The following MAN2B2 variants were observed in gnomAD, a reference collection of about 807,000 sequenced individuals.
MAN2B2 encodes the protein epididymis-specific alpha-mannosidase.
MAN2B2 carries 106 observed loss-of-function variants against 117.1 expected under a neutral mutation model. The observed-to-expected ratio is 0.90, with a 90% CI of 0.77 to 1.06. The LOEUF (loss-of-function observed/expected upper bound fraction) is 1.06, where lower values mean the gene tolerates loss of function less well. Among genes scored for constraint, MAN2B2 ranks in the 50% least tolerant of loss-of-function variants. The pLI, the probability that MAN2B2 is intolerant of heterozygous loss-of-function variation, is 0.00. For missense variants in MAN2B2, 1,326 were observed against 1,381.4 expected, an observed-to-expected ratio of 0.96 and a Z score of 0.64; for synonymous variants, 544 against 595.1, an observed-to-expected ratio of 0.91 and a Z score of 1.25.
At chr4:6,596,884 TGCCCAAG>T (rs1727112194) in intron 7 of MAN2B2, among the ~76,000 whole-genome samples, 1 of 152,136 alleles carries the variant, frequency 6.6e-6, no homozygotes, top group Non-Finnish European at 1.5e-5. Context: ...TCTCCCACCC[TGCCCAAG>T]GCCCATCCAG....
In MAN2B2 at chr4:6,600,606, C is replaced by G; in HGVS notation, c.1406-17C>G. Reference sequence around the variant, plus strand: ...GTGAGTCACATGGCACAAGCAAAGCCTCTTCTCTGTGTGCAGATGCAGGAC... The same window carrying G: ...GTGAGTCACATGGCACAAGCAAAGCGTCTTCTCTGTGTGCAGATGCAGGAC... On this transcript the variant is annotated splice_polypyrimidine_tract_variant and intron_variant, in intron 9 of 18. Transcript: ENST00000285599. 1 of 1,613,216 alleles carries G rather than the reference C, an allele frequency of 6.2e-7. No individual in the cohort carries two copies.
chr4:6,609,315 G>T lies in MAN2B2; in HGVS notation c.2006+17G>T. On this transcript the variant is annotated intron_variant, in intron 12 of 18. Coordinates refer to ENST00000285599, the MANE Select transcript of MAN2B2 (RefSeq NM_015274.3). ...CTTCTACAGGTGCTTCCCCTGGGGT[G>T]ACCCCCACAGCCCGGCACACAGTCA... is the stretch of plus-strand genomic sequence containing the variant. 8 of 1,609,746 alleles carry T rather than the reference G, an allele frequency of 5.0e-6. No homozygotes were observed. The highest frequency in any genetic ancestry group is 6.8e-6 in the Non-Finnish European group (8 of 1,177,428).
intron 5 of MAN2B2, among the ~76,000 whole-genome samples, chr4:6,591,169 G>A (rs1440708067): frequency 6.6e-6 from 1 of 152,078 alleles, no homozygotes; most frequent in Non-Finnish European, 1.5e-5. Context: ...AAGAAGGCTG[G>A]AGGAGTGGGA....
intron 3 of MAN2B2, among the ~76,000 whole-genome samples, chr4:6,586,320 C>G (rs1050457044): frequency 6.6e-6 from 1 of 152,180 alleles, no homozygotes; most frequent in African/African-American, 2.4e-5. Flanking sequence ...CTCAGCCTCC[C>G]AAAGTGCCAG....
intron 16 of MAN2B2, among the ~76,000 whole-genome samples, chr4:6,616,182 G>C (rs928903370): frequency 6.6e-6 from 1 of 152,104 alleles, no homozygotes; most frequent in African/African-American, 2.4e-5. Flanking sequence ...CATAGCTGCA[G>C]AGCTGAGGTT....
chr4:6,600,765 A>G lies in MAN2B2; in HGVS notation c.1539+9A>G. On this transcript the variant is annotated intron_variant, in intron 10 of 18. Transcript: ENST00000285599. ...ACCCAGTGCCCTCGCAGGTATGGAC[A>G]CAAAATCCTGCTGGAGGGGCCTTAG... 3 of 1,612,996 alleles carry G rather than the reference A, an allele frequency of 1.9e-6. No homozygotes were observed. The highest frequency in any genetic ancestry group is 2.5e-6 in the Non-Finnish European group (3 of 1,179,952).
intron 3 of MAN2B2, among the ~76,000 whole-genome samples, chr4:6,579,268 CCAT>C (rs1560634873): frequency 5.3e-5 from 6 of 112,366 alleles, no homozygotes; most frequent in African/African-American, 9.5e-5. Flanking sequence ...ACCACCACCA[CCAT>C]CACCACCACC....
intron 18 of MAN2B2, 114 bp from the exon 19 acceptor site, chr4:6,621,074 G>C: frequency 1.4e-6 from 1 of 719,074 alleles, no homozygotes; most frequent in Admixed American, 2.2e-5. Flanking sequence ...AGGTGCAGGA[G>C]GGTGAGAGGG....
chr4:6,603,834 G>A (rs931321196), intron 10 of MAN2B2, among the ~76,000 whole-genome samples: 7 of 152,148 alleles, frequency 4.6e-5, no homozygotes, highest in African/African-American at 1.7e-4. Context: ...GCATCAATGT[G>A]GGATCAGGCA....
At chr4:6,594,354 C>T (rs1577281430) in intron 6 of MAN2B2, among the ~76,000 whole-genome samples, 180 bp from the exon 7 acceptor site, 2 of 152,266 alleles carry the variant, frequency 1.3e-5, no homozygotes, top group African/African-American at 4.8e-5. Flanking sequence ...ATCACTTGAA[C>T]CCGGGAGGCG....
chr4:6,610,740 G>A (rs1255885290), intron 13 of MAN2B2, 140 bp from the exon 14 acceptor site: 1 of 701,144 alleles, frequency 1.4e-6, no homozygotes, highest in Non-Finnish European at 2.6e-6. Flanking sequence ...ACCCCAGTCT[G>A]TTGGTCTCCA....
intron 9 of MAN2B2, among the ~76,000 whole-genome samples, chr4:6,599,300 C>T (rs898703566): frequency 2.0e-5 from 3 of 151,964 alleles, no homozygotes; most frequent in African/African-American, 7.3e-5. Flanking sequence ...GAGACAGGGT[C>T]TCACCATGTT....
At chr4:6,587,286 T>C in intron 4 of MAN2B2, 118 bp downstream of exon 4, 1 of 1,274,846 alleles carries the variant, frequency 7.8e-7, no homozygotes, top group Non-Finnish European at 1.1e-6. Flanking sequence ...TCTTGGCAGC[T>C]GCATAGACCG....
chr4:6,575,358 G>A lies in MAN2B2; in HGVS notation c.138+10G>A. 6.6e-7 allele frequency: 1 copy of A among 1,519,426 alleles called. No individual in the cohort carries two copies. The highest frequency in any genetic ancestry group is 8.8e-7 in the Non-Finnish European group (1 of 1,132,304). 94.1% of individuals were successfully genotyped at this position (1,519,426 alleles called of 1,614,324 possible). ...GGTCTACACTGTGCAGGTAGGTGCC[G>A]ACCACGCCCCGCGCGCCCCTGAGGC... On this transcript the variant is annotated intron_variant, in intron 1 of 18. Coordinates refer to ENST00000285599, the MANE Select transcript of MAN2B2 (RefSeq NM_015274.3).
chr4:6,607,264 C>T (rs182867151), intron 11 of MAN2B2, among the ~76,000 whole-genome samples: 2 of 152,218 alleles, frequency 1.3e-5, no homozygotes, highest in Admixed American at 1.3e-4. Flanking sequence ...AGTGCAGTGG[C>T]ACAATCATGG....
chr4:6,609,283 G>A lies in MAN2B2; in HGVS notation c.1991G>A (p.Arg664Gln), dbSNP rs569059179. ...GCGGGACAGCTTGTGACTGAGATCC[G>A]GCAGTACTTCTACAGGTGCTTCCCC... ...IVAGQLVTEI[R>Q]QYFYRNMTAQ... Residue 664 changes from arginine (R) to glutamine (Q), a missense_variant, in exon 12 of 19, where the codon CGG (arginine) becomes CAG (glutamine). Arg to Gln is a conservative substitution (Grantham distance 43, BLOSUM62 1). Transcript: ENST00000285599. 38 of 1,613,836 alleles carry A rather than the reference G, an allele frequency of 2.4e-5. No individual in the cohort carries two copies. Among genetic ancestry groups the A allele is most frequent in the African/African-American group, 1.5e-4 (11 of 75,050 alleles).
At chr4:6,601,574 G>A (rs1162053086) in intron 10 of MAN2B2, among the ~76,000 whole-genome samples, 1 of 137,594 alleles carries the variant, frequency 7.3e-6, no homozygotes, top group Admixed American at 7.5e-5. Flanking sequence ...AAGCAGGGAG[G>A]GCCTAGCATC....
chr4:6,600,546 C>G (rs923070488), intron 9 of MAN2B2, 77 bp from the exon 10 acceptor site: 4 of 1,540,326 alleles, frequency 2.6e-6, no homozygotes, highest in Middle Eastern at 3.5e-4. Flanking sequence ...TTCCCTCATA[C>G]TGAGGTGCAG....
Position 6,587,005 on chromosome 4 carries a change from G to T in MAN2B2, c.401G>T (p.Gly134Val). ...GTTGCTGTCTTTGCAGAAGGACACG[G>T]GTTTCTCTATGAAACATTTGGGATC... is the stretch of plus-strand genomic sequence containing the variant. ...DQILQLTEGH[G>V]FLYETFGIRP... is the part of the protein sequence containing the mutation. Residue 134 changes from glycine (G) to valine (V), a missense_variant, in exon 4 of 19, where the codon GGG (glycine) becomes GTG (valine). Gly to Val is a moderately radical substitution (Grantham distance 109). Transcript: ENST00000285599. 6.2e-7 allele frequency: 1 copy of T among 1,613,584 alleles called. No homozygotes were observed.
Sources: gnomAD v4.1 joint callset for allele counts (sites outside exome capture counted in the v4.1 genomes callset) on GRCh38, gnomAD v4.1.1 for gene constraint, MANE v1.5 for transcripts, NCBI Gene and HGNC (gene_info 2026-07-23, HGNC 2026-07-21) for gene names.